The following GATB variants were observed in gnomAD, a reference collection of about 807,000 sequenced individuals.
The protein encoded by GATB is glutamyl-tRNA(Gln) amidotransferase subunit B, mitochondrial.
Under a neutral mutation model 62.3 loss-of-function variants are expected in GATB, and 39 were observed. The ratio of observed to expected loss-of-function variants is 0.63; its 90% confidence interval spans 0.48 to 0.82. The LOEUF is 0.82. Among genes scored for constraint, GATB ranks in the 40% least tolerant of loss-of-function variants. The pLI, the probability that GATB is intolerant of heterozygous loss-of-function variation, is 0.00. For synonymous variants in GATB, 276 were observed against 258.9 expected (o/e 1.07, Z -0.63); for missense variants, 670 against 684.0 (o/e 0.98, Z 0.23).
rs77139350 is a variant in GATB at position 151,712,371 on chromosome 4, C to T, written c.763+3638G>A. 3.9e-3 allele frequency among the ~76,000 whole-genome samples: 591 copies of T among 152,318 alleles called. 3 individuals are homozygous for T. The highest frequency in any genetic ancestry group is 5.9e-3 in the Non-Finnish European group (399 of 68,032). ...CAATGCATTCTGCACCACTGAGGGA[C>T]AGCCTTCATTCACACATCATGAGAA... On this transcript the variant is annotated intron_variant, in intron 5 of 12. Coordinates refer to ENST00000263985, the MANE Select transcript of GATB (RefSeq NM_004564.3).
chr4:151,673,252 T>TGGGGG (rs11441654), intron 11 of GATB: 1 of 148,196 alleles, frequency 6.7e-6, no homozygotes, highest in Non-Finnish European at 1.4e-5. Context: ...TGACTCCACA[T>TGGGGG]GGCGGGGGGG....
At chr4:151,715,877 T>A in intron 5 of GATB, 132 bp downstream of exon 5, 1 of 1,050,744 alleles carries the variant, frequency 9.5e-7, no homozygotes, top group Non-Finnish European at 1.3e-6. Context: ...AAAAACAGGG[T>A]TGCAAAAGGC....
chr4:151,699,222 T>A (rs1378552515), intron 9 of GATB, among the ~76,000 whole-genome samples: 5 of 152,078 alleles, frequency 3.3e-5, no homozygotes, highest in African/African-American at 1.2e-4. Context: ...ACCCTGTCTC[T>A]ACTAAAAATA....
chr4:151,735,734 GTGTATATA>G lies in GATB; in HGVS notation c.328-16204_328-16197del, dbSNP rs1233324714. On this transcript the variant is annotated intron_variant, in intron 2 of 12. Transcript: ENST00000263985. ...TCAACAAGTGGATAAATAAACTGTG[GTGTATATA>G]TATATATATATATATGATGGAATAC... Among the ~76,000 whole-genome samples the G allele has an allele frequency of 1.2e-4, 11 of 93,614 alleles. 1 individual carries two copies. The highest frequency in any genetic ancestry group is 9.1e-4 in the South Asian group (2 of 2,190). 61.4% of individuals were successfully genotyped at this position (93,614 alleles called of 152,430 possible). A position where few individuals can be genotyped will look rare whatever the true frequency, so the allele number is the denominator to read the frequency against.
chr4:151,756,080 C>T (rs1285406280), intron 2 of GATB, among the ~76,000 whole-genome samples: 1 of 152,128 alleles, frequency 6.6e-6, no homozygotes, highest in Non-Finnish European at 1.5e-5. Flanking sequence ...CAGAACACAG[C>T]CATGTGAGAA....
intron 11 of GATB, among the ~76,000 whole-genome samples, chr4:151,679,231 C>T (rs1351795396): frequency 6.6e-6 from 1 of 152,194 alleles, no homozygotes; most frequent in South Asian, 2.1e-4. Context: ...CTGAATTCCA[C>T]GAGTCTGTCA....
chr4:151,706,647 C>G (rs545606179), intron 6 of GATB, among the ~76,000 whole-genome samples: 16 of 137,248 alleles, frequency 1.2e-4, no homozygotes, highest in African/African-American at 4.6e-4. Flanking sequence ...CACTTTAATG[C>G]CTTTTTCCTG....
rs531477980 is a variant in GATB at position 151,692,632 on chromosome 4, G to A, written c.1198-3869C>T. On this transcript the variant is annotated intron_variant, in intron 9 of 12. Coordinates refer to ENST00000263985, the MANE Select transcript of GATB (RefSeq NM_004564.3). ...CACTGCACAGGCCATACTGGGCTCC[G>A]GGGATGGAGGGCGGCCAGAGCTCCT... is the stretch of plus-strand genomic sequence containing the variant. Among the ~76,000 whole-genome samples, 258 of 152,204 alleles carry A rather than the reference G, an allele frequency of 1.7e-3. 1 individual carries two copies. Among genetic ancestry groups the A allele is most frequent in the Non-Finnish European group, 3.1e-3 (212 of 68,006 alleles).
In GATB at chr4:151,708,234, G is replaced by T. The variant is rs547221166; in HGVS notation, c.764-133C>A. 11 of 644,624 alleles carry T rather than the reference G, an allele frequency of 1.7e-5. No homozygotes were observed. In the Admixed American group the frequency reaches 1.8e-4, roughly 11 times the overall value. 39.9% of individuals were successfully genotyped at this position (644,624 alleles called of 1,614,324 possible). On this transcript the variant is annotated intron_variant, in intron 5 of 12. Transcript: ENST00000263985. ...GTTATAGCAGCCTAACTTCAGAGAA[G>T]GCACGGTTGGTTCTGAAGTAGGTCG...
intron 1 of GATB, among the ~76,000 whole-genome samples, chr4:151,759,942 T>A (rs894857874): frequency 6.6e-6 from 1 of 152,204 alleles, no homozygotes; most frequent in Non-Finnish European, 1.5e-5. Context: ...AAGTAGGAAC[T>A]CATTAGAAAT....
intron 11 of GATB, chr4:151,677,651 G>A (rs1738036075): frequency 6.6e-6 from 1 of 152,226 alleles, no homozygotes; most frequent in Admixed American, 6.5e-5. Flanking sequence ...TGAATGGACA[G>A]ACAAAATGGA....
In GATB at chr4:151,688,464, G is replaced by A. The variant is rs1356820223; in HGVS notation, c.1331+166C>T. Among the ~76,000 whole-genome samples, 5 of 152,180 alleles carry A rather than the reference G, an allele frequency of 3.3e-5. No individual in the cohort carries two copies. The South Asian group carries it at 6.2e-4, about 19-fold the overall frequency. ...TGAAGGAATAAATACATTTTTACACGGGCTAGAGAACATATTTAGAATGTG... is the reference window on the plus strand; with the variant it reads ...TGAAGGAATAAATACATTTTTACACAGGCTAGAGAACATATTTAGAATGTG... On this transcript the variant is annotated intron_variant, in intron 10 of 12. Transcript: ENST00000263985.
At chr4:151,692,452 T>A (rs1197038153) in intron 9 of GATB, among the ~76,000 whole-genome samples, 1 of 152,220 alleles carries the variant, frequency 6.6e-6, no homozygotes, top group Non-Finnish European at 1.5e-5. Context: ...TCTTAACATA[T>A]TAAAAATGTT....
At chr4:151,722,881 CCCCAGTCTCCTCTAAGGT>C (rs767791497) in intron 2 of GATB, 63 of 152,410 alleles carry the variant, frequency 4.1e-4, no homozygotes, top group Non-Finnish European at 7.9e-4. Context: ...GGCAGTGATG[CCCCAGTCTCCTCTAAGGT>C]GTTACCTGCC....
intron 2 of GATB, among the ~76,000 whole-genome samples, chr4:151,753,064 T>C (rs1234423428): frequency 6.6e-6 from 1 of 152,110 alleles, no homozygotes; most frequent in Non-Finnish European, 1.5e-5. Flanking sequence ...AAGATGGACA[T>C]ACCAGGCCAC....
intron 9 of GATB, among the ~76,000 whole-genome samples, chr4:151,697,969 A>ATATATATATATGTGTG (rs1738518049): frequency 9.8e-6 from 1 of 102,520 alleles, no homozygotes; most frequent in Non-Finnish European, 1.8e-5. Context: ...ATATATATAT[A>ATATATATATATGTGTG]TATATATATA....
chr4:151,722,076 G>A, intron 2 of GATB: 1 of 646,058 alleles, frequency 1.5e-6, no homozygotes, highest in Non-Finnish European at 2.8e-6. Context: ...TAAACAGAGA[G>A]TGTCAGTTAG....
intron 2 of GATB, among the ~76,000 whole-genome samples, chr4:151,728,987 T>C (rs1013954371): frequency 6.6e-6 from 1 of 152,158 alleles, no homozygotes; most frequent in African/African-American, 2.4e-5. Context: ...ACCTGCTATA[T>C]ATTCACCAGC....
intron 2 of GATB, among the ~76,000 whole-genome samples, chr4:151,739,814 CAT>C (rs969657299): frequency 4.6e-5 from 7 of 152,210 alleles, no homozygotes; most frequent in African/African-American, 9.6e-5. Flanking sequence ...AATGGAACCA[CAT>C]GAGTGGGTTG....
Sources: gnomAD v4.1 joint callset for allele counts (sites outside exome capture counted in the v4.1 genomes callset) on GRCh38, gnomAD v4.1.1 for gene constraint, MANE v1.5 for transcripts, NCBI Gene and HGNC (gene_info 2026-07-23, HGNC 2026-07-21) for gene names.